Variants in PCDH15 observed in about 807,000 individuals in gnomAD.
PCDH15 encodes the protein protocadherin-15.
In PCDH15, 129 loss-of-function variants were observed where a neutral mutation model predicts 178.5. The observed-to-expected ratio is 0.72, with a 90% CI of 0.63 to 0.84. The LOEUF (loss-of-function observed/expected upper bound fraction) is 0.84, where lower values mean the gene tolerates loss of function less well. PCDH15 is among the 40% of genes least tolerant of loss of function. The pLI, the probability that PCDH15 is intolerant of heterozygous loss-of-function variation, is 0.00. For synonymous variants in PCDH15, 800 were observed against 732.0 expected, an observed-to-expected ratio of 1.09 and a Z score of -1.50; for missense variants, 2,230 against 2,099.9, an observed-to-expected ratio of 1.06 and a Z score of -1.21.
chr10:54,216,283 C>T lies in PCDH15; in HGVS notation c.986-2235G>A, dbSNP rs1328372497. 4.0e-5 allele frequency among the ~76,000 whole-genome samples: 6 copies of T among 151,754 alleles called. No homozygotes were observed. In the East Asian group the frequency reaches 9.8e-4, roughly 25 times the overall value. On this transcript the variant is annotated intron_variant, in intron 9 of 37. Coordinates refer to ENST00000644397, the MANE Select transcript of PCDH15 (RefSeq NM_001384140.1). ...CCAGCCTGGCCAACATGGTGAAAAC[C>T]TGTCCCTACTAAAAATACAAAAATT...
intron 8 of PCDH15, among the ~76,000 whole-genome samples, chr10:54,294,799 A>T (rs1349178390): frequency 6.6e-6 from 1 of 152,206 alleles, no homozygotes; most frequent in African/African-American, 2.4e-5. Flanking sequence ...TAAAAAGTAA[A>T]CACTCCTAAT....
chr10:55,585,793 G>A (rs989980046), intron 2 of PCDH15, among the ~76,000 whole-genome samples: 1 of 151,942 alleles, frequency 6.6e-6, no homozygotes, highest in East Asian at 1.9e-4. Flanking sequence ...ATATATATGA[G>A]AGAGAGATAG....
intron 3 of PCDH15, among the ~76,000 whole-genome samples, chr10:54,881,055 A>C (rs1954253833): frequency 6.6e-6 from 1 of 152,010 alleles, no homozygotes. Context: ...CTTGAATTTA[A>C]GCTCAGCATT....
intron 14 of PCDH15, among the ~76,000 whole-genome samples, chr10:54,137,730 C>A (rs78289577): frequency 6.6e-6 from 1 of 152,132 alleles, no homozygotes; most frequent in Non-Finnish European, 1.5e-5. Context: ...AGATTGTCAC[C>A]AATTTCCTTA....
chr10:55,029,793 G>T (rs942382458), intron 2 of PCDH15, among the ~76,000 whole-genome samples: 1 of 152,062 alleles, frequency 6.6e-6, no homozygotes, highest in African/African-American at 2.4e-5. Flanking sequence ...AGGGAATGTG[G>T]TTGAGGAGAA....
intron 2 of PCDH15, among the ~76,000 whole-genome samples, chr10:54,965,653 G>T (rs1014126922): frequency 1.4e-5 from 2 of 144,052 alleles, no homozygotes; most frequent in East Asian, 2.0e-4. Flanking sequence ...GGTATATGTG[G>T]ATTAGCTTGC....
intron 14 of PCDH15, among the ~76,000 whole-genome samples, chr10:54,146,810 T>G (rs2043949232): frequency 6.7e-6 from 1 of 150,128 alleles, no homozygotes; most frequent in Non-Finnish European, 1.5e-5. Flanking sequence ...CATTTTTTGA[T>G]GTTATTATTT....
At chr10:54,738,109 CTG>C (rs1312290849) in intron 1 of PCDH15, among the ~76,000 whole-genome samples, 1 of 151,998 alleles carries the variant, frequency 6.6e-6, no homozygotes, top group Non-Finnish European at 1.5e-5. Flanking sequence ...AAGTTAGAGA[CTG>C]TTATGAGGAT....
chr10:55,469,240 C>G (rs1839906462), intron 2 of PCDH15: 1 of 151,974 alleles, frequency 6.6e-6, no homozygotes, highest in Non-Finnish European at 1.5e-5. Context: ...GAAACTAACA[C>G]CTGTATTGAA....
chr10:54,219,503 G>T (rs1348182649), intron 9 of PCDH15, among the ~76,000 whole-genome samples: 1 of 144,210 alleles, frequency 6.9e-6, no homozygotes, highest in Non-Finnish European at 1.5e-5. Context: ...TGAGGCAGGA[G>T]AATGGTGCGA....
Position 54,966,944 on chromosome 10 carries a change from T to A in PCDH15, c.-79-69444A>T, listed in dbSNP as rs114919416. 4.6e-3 allele frequency among the ~76,000 whole-genome samples: 703 copies of A among 151,994 alleles called. 3 individuals are homozygous for A. The highest frequency in any genetic ancestry group is 0.016 in the African/African-American group (682 of 41,472). ...TTGTGTATCTAAAAATATCTAAACA[T>A]AGAAAAGGTCCAGTAAAAATTCACT... On this transcript the variant is annotated intron_variant, in intron 2 of 5. Coordinates refer to the PCDH15 transcript ENST00000458638.
intron 1 of PCDH15, among the ~76,000 whole-genome samples, chr10:55,173,726 C>G (rs193131632): frequency 6.6e-6 from 1 of 152,028 alleles, no homozygotes; most frequent in South Asian, 2.1e-4. Flanking sequence ...TGATTTCATT[C>G]TGCAGCATTT....
At chr10:55,492,584 A>G (rs1213461219) in intron 2 of PCDH15, among the ~76,000 whole-genome samples, 1 of 151,800 alleles carries the variant, frequency 6.6e-6, no homozygotes, top group Non-Finnish European at 1.5e-5. Flanking sequence ...CCTCTGGATC[A>G]GTGAGTAGAG....
chr10:53,851,618 G>A (rs890504157), intron 28 of PCDH15, among the ~76,000 whole-genome samples: 1 of 143,462 alleles, frequency 7.0e-6, no homozygotes, highest in Admixed American at 7.3e-5. Context: ...TGTGCTAGCA[G>A]TTAGCGTTTC....
intron 2 of PCDH15, among the ~76,000 whole-genome samples, chr10:54,622,635 T>TATAA (rs2093402201): frequency 2.5e-5 from 1 of 40,194 alleles, no homozygotes; most frequent in Non-Finnish European, 4.6e-5. Flanking sequence ...ATAATATATA[T>TATAA]TATATAATTA....
intron 3 of PCDH15, among the ~76,000 whole-genome samples, chr10:54,890,269 G>T (rs1005189134): frequency 7.2e-5 from 11 of 151,974 alleles, no homozygotes; most frequent in African/African-American, 2.7e-4. Flanking sequence ...GTGTAAAAGA[G>T]GAAAGCTGAT....
chr10:55,500,655 G>C (rs1273503636), intron 2 of PCDH15, among the ~76,000 whole-genome samples: 1 of 151,708 alleles, frequency 6.6e-6, no homozygotes, highest in East Asian at 2.0e-4. Flanking sequence ...GTGAGACCCT[G>C]ATCATCCATA....
At chr10:55,282,561 C>T (rs1226546832) in intron 1 of PCDH15, among the ~76,000 whole-genome samples, 1 of 152,076 alleles carries the variant, frequency 6.6e-6, no homozygotes, top group South Asian at 2.1e-4. Flanking sequence ...TCAATTGCAA[C>T]TTATTTGATG....
intron 3 of PCDH15, among the ~76,000 whole-genome samples, chr10:54,824,909 CATGTGCACA>C (rs1953100483): frequency 6.6e-6 from 1 of 151,938 alleles, no homozygotes; most frequent in African/African-American, 2.4e-5. Flanking sequence ...TTTTAGGGTA[CATGTGCACA>C]ATGTGCAGGT....
Sources: allele counts gnomAD v4.1 joint callset (sites outside exome capture counted in the v4.1 genomes callset), GRCh38; gene constraint gnomAD v4.1.1; transcripts MANE v1.5; gene names NCBI Gene and HGNC (gene_info 2026-07-23, HGNC 2026-07-21).